AMPD3: variants seen among roughly 807,000 people sequenced by gnomAD.
AMPD3 encodes the protein adenosine monophosphate deaminase 3.
Under a neutral mutation model 82.3 loss-of-function variants are expected in AMPD3, and 57 were observed. That is an observed-to-expected ratio of 0.69 (90% CI 0.56 to 0.86). The LOEUF is 0.86. AMPD3 is among the 40% of genes least tolerant of loss of function. The pLI is 0.00. For missense variants in AMPD3, 870 were observed against 1,003.8 expected, an observed-to-expected ratio of 0.87 and a Z score of 1.80; for synonymous variants, 381 against 394.7, an observed-to-expected ratio of 0.97 and a Z score of 0.41.
chr11:10,468,743 T>G (rs1848495618), intron 2 of AMPD3, among the ~76,000 whole-genome samples: 1 of 152,128 alleles, frequency 6.6e-6, no homozygotes, highest in Admixed American at 6.5e-5. Flanking sequence ...TAATTGGAAG[T>G]AAAACACTCC....
intron 9 of AMPD3, 28 bp downstream of exon 9, chr11:10,495,761 T>G (rs774406799): frequency 8.7e-6 from 14 of 1,613,500 alleles, no homozygotes; most frequent in Non-Finnish European, 1.1e-5. Context: ...CTGTCTACCC[T>G]GTGCCCTACA....
At chr11:10,489,557 T>C (rs779806081) in intron 6 of AMPD3, among the ~76,000 whole-genome samples, 6 of 152,210 alleles carry the variant, frequency 3.9e-5, no homozygotes, top group Non-Finnish European at 7.3e-5. Context: ...AGAGATGACC[T>C]TGATATCTAT....
chr11:10,486,827 G>A (rs1304490754), intron 5 of AMPD3: 5 of 985,292 alleles, frequency 5.1e-6, no homozygotes, highest in Non-Finnish European at 6.0e-6. Context: ...AGATGAAGGA[G>A]GGAGACTTCC....
intron 2 of AMPD3, among the ~76,000 whole-genome samples, chr11:10,472,498 T>C (rs1402160656): frequency 6.6e-6 from 1 of 152,194 alleles, no homozygotes; most frequent in Non-Finnish European, 1.5e-5. Flanking sequence ...TTGAAAAATT[T>C]GGCTATCTAG....
At chr11:10,482,315 A>T in intron 4 of AMPD3, 90 bp downstream of exon 4, 2 of 1,433,368 alleles carry the variant, frequency 1.4e-6, no homozygotes, top group South Asian at 1.3e-5. Context: ...ATTTCCCCTG[A>T]TAGTATTTTA....
At chr11:10,468,493 C>T (rs1254215202) in intron 2 of AMPD3, among the ~76,000 whole-genome samples, 1 of 152,088 alleles carries the variant, frequency 6.6e-6, no homozygotes, top group Non-Finnish European at 1.5e-5. Flanking sequence ...TATATGCACC[C>T]AACACAGGAG....
chr11:10,478,503 T>C, intron 2 of AMPD3, 23 bp from the exon 3 acceptor site: 1 of 1,613,866 alleles, frequency 6.2e-7, no homozygotes, highest in African/African-American at 1.3e-5. Context: ...TGTCTCCCAC[T>C]TTTCCTTGTC....
intron 1 of AMPD3, among the ~76,000 whole-genome samples, chr11:10,457,023 G>A (rs2133810485): frequency 6.7e-6 from 1 of 149,712 alleles, no homozygotes; most frequent in East Asian, 1.9e-4. Context: ...TGTCACCCAG[G>A]CTGGAGTACG....
At chr11:10,457,393 G>C (rs1434676894) in intron 1 of AMPD3, among the ~76,000 whole-genome samples, 1 of 152,074 alleles carries the variant, frequency 6.6e-6, no homozygotes, top group African/African-American at 2.4e-5. Context: ...TATGATCCTT[G>C]ATTTTAATGA....
chr11:10,494,939 A>G lies in AMPD3; in HGVS notation c.1175A>G (p.Lys392Arg), dbSNP rs1167459042. 7 of 1,614,100 alleles carry G rather than the reference A, an allele frequency of 4.3e-6. No individual in the cohort carries two copies. In the Admixed American group the frequency reaches 1.2e-4, roughly 27 times the overall value. The stretch of plus-strand genomic sequence containing the variant: ...CACCGCTTTGACAAGTTCAACTCCA[A>G]ATACAACCCTGTGGGGGCCAGTGAG... ...TFHRFDKFNSKYNPVGASELR... is the reference protein window; with the variant it reads ...TFHRFDKFNSRYNPVGASELR... The change falls in exon 8 of 15, where the codon AAA (lysine) becomes AGA (arginine). Residue 392 changes from lysine to arginine, a missense_variant. Physicochemically the swap from Lys to Arg is conservative, Grantham distance 26. Coordinates refer to ENST00000396553, the MANE Select transcript of AMPD3 (RefSeq NM_001025389.2).
chr11:10,492,129 A>G (rs1048021910), intron 6 of AMPD3, among the ~76,000 whole-genome samples: 3 of 152,202 alleles, frequency 2.0e-5, no homozygotes, highest in African/African-American at 7.2e-5. Flanking sequence ...TTAGCATGAT[A>G]TAGAGGGCAT....
At chr11:10,499,862 C>T (rs748554766) in intron 10 of AMPD3, 1 of 985,432 alleles carries the variant, frequency 1.0e-6, no homozygotes, top group Non-Finnish European at 1.2e-6. Flanking sequence ...TGTCTCACCT[C>T]CAGAGTACCT....
upstream of AMPD3, chr11:10,450,895 C>G (rs1322402492): frequency 2.4e-6 from 3 of 1,234,506 alleles, no homozygotes; most frequent in Non-Finnish European, 3.0e-6. Flanking sequence ...GGCCCCCGCG[C>G]CTGCTGCGGG....
intron 4 of AMPD3, among the ~76,000 whole-genome samples, chr11:10,483,287 G>T (rs1211052936): frequency 6.6e-6 from 1 of 152,150 alleles, no homozygotes; most frequent in Non-Finnish European, 1.5e-5. Flanking sequence ...CCCCACTCCT[G>T]AAAGTTGGTG....
intron 1 of AMPD3, 32 bp downstream of exon 1, chr11:10,455,480 G>T (rs1848066683): frequency 7.2e-6 from 7 of 977,218 alleles, no homozygotes; most frequent in African/African-American, 3.5e-5. Flanking sequence ...GTGGGCTCCG[G>T]TGGGTCAGTT....
chr11:10,471,953 A>G (rs1029482692), intron 2 of AMPD3, among the ~76,000 whole-genome samples: 12 of 152,228 alleles, frequency 7.9e-5, no homozygotes, highest in Non-Finnish European at 1.3e-4. Flanking sequence ...CTGGGTATAT[A>G]CCCAAAGGAT....
rs933383443 is a variant in AMPD3, at chr11:10,505,524, C to T, written c.2128-184C>T. On this transcript the variant is annotated intron_variant, in intron 14 of 14. Coordinates refer to ENST00000396553, the MANE Select transcript of AMPD3 (RefSeq NM_001025389.2). ...AGGATGACTGAGGTTGTCAGGGTGA[C>T]ATCCTTGAGGACACAGAGGCCAGCA... 9.1e-6 allele frequency: 9 copies of T among 985,236 alleles called. No individual in the cohort carries two copies. In the African/African-American group the frequency reaches 1.6e-4, roughly 17 times the overall value. The allele number at this position is 985,236 out of a possible 1,614,324, so 61.0% of individuals were successfully genotyped here. A position where few individuals can be genotyped will look rare whatever the true frequency, so the allele number is the denominator to read the frequency against.
upstream of AMPD3, chr11:10,450,396 G>C (rs1591429389): frequency 5.1e-6 from 5 of 981,168 alleles, no homozygotes; most frequent in East Asian, 1.1e-4. Flanking sequence ...CCAGAAGGAC[G>C]CCTGGAAGAA....
At chr11:10,469,997 G>A (rs1011058138) in intron 2 of AMPD3, among the ~76,000 whole-genome samples, 21 of 146,212 alleles carry the variant, frequency 1.4e-4, no homozygotes, top group African/African-American at 4.9e-4. Flanking sequence ...CCGAGATCCC[G>A]CCACTGCACT....
Sources: allele counts gnomAD v4.1 joint callset (sites outside exome capture counted in the v4.1 genomes callset), GRCh38; gene constraint gnomAD v4.1.1; transcripts MANE v1.5; gene names NCBI Gene and HGNC (gene_info 2026-07-23, HGNC 2026-07-21).